The following CLPTM1L variants were observed in gnomAD, a reference collection of about 807,000 sequenced individuals.
The protein encoded by CLPTM1L is lipid scramblase CLPTM1L.
In CLPTM1L, 38 loss-of-function variants were observed where a neutral mutation model predicts 70.9. The observed-to-expected ratio is 0.54, with a 90% CI of 0.41 to 0.70. The LOEUF (loss-of-function observed/expected upper bound fraction) is 0.70. Among genes scored for constraint, CLPTM1L ranks in the 30% least tolerant of loss-of-function variants. The pLI is 0.00. For synonymous variants in CLPTM1L, 339 were observed against 299.9 expected, an observed-to-expected ratio of 1.13 and a Z score of -1.35; for missense variants, 652 against 705.9, an observed-to-expected ratio of 0.92 and a Z score of 0.87.
At chr5:1,341,890 A>G (rs1753958541) in intron 2 of CLPTM1L, 30 bp from the exon 3 acceptor site, 1 of 1,555,890 alleles carries the variant, frequency 6.4e-7, no homozygotes, top group Admixed American at 1.7e-5. Flanking sequence ...TCCACTACAT[A>G]CATATTATAT....
At chr5:1,321,447 G>C (rs1752147824) in intron 15 of CLPTM1L, among the ~76,000 whole-genome samples, 188 bp downstream of exon 15, 1 of 152,236 alleles carries the variant, frequency 6.6e-6, no homozygotes, top group Admixed American at 6.5e-5. Context: ...CAGTCTTTCA[G>C]GGTCTGAAGT....
chr5:1,335,683 C>T lies in CLPTM1L; in HGVS notation c.679-509G>A, dbSNP rs139396489. 7.9e-5 allele frequency among the ~76,000 whole-genome samples: 12 copies of T among 152,322 alleles called. No individual in the cohort carries two copies. The East Asian group carries it at 1.5e-3, about 20-fold the overall frequency. ...TGGGGACAACAGAAAGCTTCTGGAA[C>T]GCAAAGCTAGCAGGGGCAGTAGGGT... On this transcript the variant is annotated intron_variant, in intron 5 of 16. Coordinates refer to ENST00000320895, the MANE Select transcript of CLPTM1L (RefSeq NM_030782.5).
At chr5:1,341,266 C>A (rs1305517372) in intron 3 of CLPTM1L, among the ~76,000 whole-genome samples, 1 of 152,188 alleles carries the variant, frequency 6.6e-6, no homozygotes, top group African/African-American at 2.4e-5. Flanking sequence ...GAATAAACAT[C>A]TAGGAATAGC....
At chr5:1,324,704 G>A (rs750143553) in intron 11 of CLPTM1L, 59 bp downstream of exon 11, 87 of 1,468,042 alleles carry the variant, frequency 5.9e-5, no homozygotes, top group African/African-American at 9.7e-5. Flanking sequence ...TAAAAGACCC[G>A]TCTTTGAGGG....
At chr5:1,337,754 A>G in intron 5 of CLPTM1L, 150 bp downstream of exon 5, 1 of 687,778 alleles carries the variant, frequency 1.5e-6, no homozygotes, top group South Asian at 1.8e-5. Flanking sequence ...CAACCCTCGC[A>G]CACTCGAAGG....
At position 1,335,040 on chromosome 5, in the gene CLPTM1L, C is replaced by T. The variant is rs1468984001; in HGVS notation, c.796+17G>A. 1 of 1,604,224 alleles carries T rather than the reference C, an allele frequency of 6.2e-7. No individual in the cohort carries two copies. The highest frequency in any genetic ancestry group is 2.2e-5 in the East Asian group (1 of 44,754). ...CAGGGCGGCCTCACCCAGGCGCCGG[C>T]CGTGTGCGGCACATACCGAACTGCT... On this transcript the variant is annotated intron_variant, in intron 6 of 16. Coordinates refer to ENST00000320895, the MANE Select transcript of CLPTM1L (RefSeq NM_030782.5).
intron 13 of CLPTM1L, among the ~76,000 whole-genome samples, chr5:1,322,246 G>A (rs1267660113): frequency 6.6e-6 from 1 of 152,174 alleles, no homozygotes; most frequent in Non-Finnish European, 1.5e-5. Flanking sequence ...AATGCTCACG[G>A]GACCACTTCC....
Position 1,335,155 on chromosome 5 carries a change from G to A in CLPTM1L, c.698C>T (p.Thr233Ile). Reference protein sequence around the residue: ...KDLMVINRSTTELPLTVSYDK... With the variant: ...KDLMVINRSTIELPLTVSYDK... Reference sequence around the variant, plus strand: ...GTAGGACACGGTGAGGGGCAGCTCGGTGGTGGAGCGGTTTATGACCTGATG... The same window carrying A: ...GTAGGACACGGTGAGGGGCAGCTCGATGGTGGAGCGGTTTATGACCTGATG... The change falls in exon 6 of 17, where the codon ACC becomes ATC. Residue 233 changes from threonine (T) to isoleucine (I), a missense_variant. By Grantham distance (89) the Thr-to-Ile change is moderately conservative. Around this residue, in one of 3 missense-constraint regions of CLPTM1L, gnomAD observed 402 missense variants for 388.2 expected, o/e 1.04. Coordinates refer to ENST00000320895, the MANE Select transcript of CLPTM1L (RefSeq NM_030782.5). The A allele has an allele frequency of 6.2e-7, 1 of 1,613,648 alleles. No homozygotes were observed. Among genetic ancestry groups the A allele is most frequent in the Non-Finnish European group, 8.5e-7 (1 of 1,179,992 alleles).
At chr5:1,327,138 AC>A (rs1457876093) in intron 9 of CLPTM1L, among the ~76,000 whole-genome samples, 2 of 150,136 alleles carry the variant, frequency 1.3e-5, no homozygotes, top group African/African-American at 5.0e-5. Context: ...CTCTACAGAC[AC>A]ATTTCATCCA....
rs757473740 is a variant in CLPTM1L at position 1,321,616 on chromosome 5, C to T, written c.1416+19G>A. ...CTCTGCTCAGTGAGAAGGGATTCCT[C>T]ACCGGCTGTCACACTCACCTTGTAG... On this transcript the variant is annotated intron_variant, in intron 15 of 16. Transcript: ENST00000320895. 8.1e-6 allele frequency: 13 copies of T among 1,612,080 alleles called. No homozygotes were observed. The South Asian group carries it at 1.4e-4, about 18-fold the overall frequency.
At chr5:1,334,195 G>A (rs546251815) in intron 7 of CLPTM1L, 94 bp downstream of exon 7, 90 of 836,056 alleles carry the variant, frequency 1.1e-4, no homozygotes, top group Non-Finnish European at 1.6e-4. Flanking sequence ...GCTGGACGGC[G>A]CCCACAAACC....
chr5:1,341,718 G>A lies in CLPTM1L; in HGVS notation c.406C>T (p.Pro136Ser). The A allele has an allele frequency of 3.1e-6, 5 of 1,613,618 alleles. No individual in the cohort carries two copies. The highest frequency in any genetic ancestry group is 2.5e-6 in the Non-Finnish European group (3 of 1,179,692). Residue 136 changes from proline (P) to serine (S), a missense_variant, in exon 3 of 17, where the codon CCC becomes TCC. Physicochemically the swap from Pro to Ser is moderately conservative, Grantham distance 74 (BLOSUM62 -1). This residue lies in a region of CLPTM1L where 402 missense variants were observed against 388.2 expected (regional missense o/e 1.04). Coordinates refer to ENST00000320895, the MANE Select transcript of CLPTM1L (RefSeq NM_030782.5). ...LVSPLTTYMVPKPEEINLLTG... is the reference protein window; with the variant it reads ...LVSPLTTYMVSKPEEINLLTG... ...AGCAGGTTGATTTCTTCTGGCTTGGGGACCATGTAGGTGGTCAGAGGACTG... is the reference window on the plus strand; with the variant it reads ...AGCAGGTTGATTTCTTCTGGCTTGGAGACCATGTAGGTGGTCAGAGGACTG...
chr5:1,341,732 G>A lies in CLPTM1L; in HGVS notation c.392C>T (p.Thr131Ile). The A allele has an allele frequency of 6.2e-7, 1 of 1,614,052 alleles. No individual in the cohort carries two copies. Among genetic ancestry groups the A allele is most frequent in the East Asian group, 2.2e-5 (1 of 44,864 alleles). Residue 131 changes from threonine to isoleucine, a missense_variant, in exon 3 of 17, where the codon ACC becomes ATC. Physicochemically the swap from Thr to Ile is moderately conservative, Grantham distance 89. This residue lies in a region of CLPTM1L where 402 missense variants were observed against 388.2 expected (regional missense o/e 1.04). Transcript: ENST00000320895. ...GKQVHLVSPL[T>I]TYMVPKPEEI... is the part of the protein sequence containing the mutation. ...TTCTGGCTTGGGGACCATGTAGGTGGTCAGAGGACTGACCAGGTGCACCTG... is the reference window on the plus strand; with the variant it reads ...TTCTGGCTTGGGGACCATGTAGGTGATCAGAGGACTGACCAGGTGCACCTG...
In CLPTM1L at chr5:1,330,391, C is replaced by T. The variant is rs1325862147; in HGVS notation, c.977-8G>A. On this transcript the variant is annotated splice_region_variant and splice_polypyrimidine_tract_variant and intron_variant, in intron 8 of 16. Coordinates refer to ENST00000320895, the MANE Select transcript of CLPTM1L (RefSeq NM_030782.5). ...TGAAGCAGCGCCAGAGCACTGGGGA[C>T]AGGATGGTCGGGCTGGGAGGGGGTG... 1 of 1,611,964 alleles carries T rather than the reference C, an allele frequency of 6.2e-7. No individual in the cohort carries two copies. The highest frequency in any genetic ancestry group is 8.5e-7 in the Non-Finnish European group (1 of 1,179,222).
intron 9 of CLPTM1L, among the ~76,000 whole-genome samples, chr5:1,327,763 CT>C (rs1244896123): frequency 6.6e-6 from 1 of 151,222 alleles, no homozygotes; most frequent in Non-Finnish European, 1.5e-5. Flanking sequence ...CACCCAGCTC[CT>C]CCTCTACAGG....
At chr5:1,329,398 T>TTTGGTGGACAGGGCCTCAGGCCTCTGC (rs1269669662) in intron 9 of CLPTM1L, among the ~76,000 whole-genome samples, 3 of 152,140 alleles carry the variant, frequency 2.0e-5, no homozygotes, top group Non-Finnish European at 2.9e-5. Flanking sequence ...AAACACTCTG[T>TTTGGTGGACAGGGCCTCAGGCCTCTGC]TTGGTGGACA....
intron 2 of CLPTM1L, 56 bp downstream of exon 2, chr5:1,344,295 A>C: frequency 1.7e-6 from 2 of 1,183,392 alleles, no homozygotes; most frequent in Non-Finnish European, 2.5e-6. Context: ...ACTTTTAAAC[A>C]ATCTGAACAT....
chr5:1,320,607 C>G lies in CLPTM1L; in HGVS notation c.1532+9G>C. ...GGAGCAACGGCCGAGCATACGCAGC[C>G]GCACTCACCACCGCTGGTACAGGTA... On this transcript the variant is annotated intron_variant, in intron 16 of 16. Transcript: ENST00000320895. 1 of 1,498,122 alleles carries G rather than the reference C, an allele frequency of 6.7e-7. No individual in the cohort carries two copies. The highest frequency in any genetic ancestry group is 1.2e-5 in the South Asian group (1 of 80,834). 92.8% of individuals were successfully genotyped at this position (1,498,122 alleles called of 1,614,324 possible).
chr5:1,341,552 T>C, intron 3 of CLPTM1L, 119 bp downstream of exon 3: 1 of 781,226 alleles, frequency 1.3e-6, no homozygotes, highest in East Asian at 2.6e-5. Flanking sequence ...CAATGGCTTT[T>C]GGCTTTACTC....
Sources: gnomAD v4.1 joint callset for allele counts (sites outside exome capture counted in the v4.1 genomes callset) on GRCh38, gnomAD v4.1.1 for gene constraint, gnomAD v4.1.1 regional missense constraint, MANE v1.5 for transcripts, NCBI Gene and HGNC (gene_info 2026-07-23, HGNC 2026-07-21) for gene names.